Variants in ADAMTS9 observed in about 807,000 individuals in gnomAD.
ADAMTS9 encodes the protein A disintegrin and metalloproteinase with thrombospondin motifs 9.
A neutral mutation model predicts 257.1 loss-of-function variants in ADAMTS9; 107 were observed. The ratio of observed to expected loss-of-function variants is 0.42; its 90% confidence interval spans 0.36 to 0.49. ADAMTS9 has a LOEUF of 0.49. Among genes scored for constraint, ADAMTS9 ranks in the 20% least tolerant of loss-of-function variants. ADAMTS9 has a pLI of 0.03. For synonymous variants in ADAMTS9, 982 were observed against 880.9 expected (o/e 1.11, Z -2.03); for missense variants, 2,353 against 2,469.1 (o/e 0.95, Z 1.00).
At chr3:64,603,720 C>T (rs1159627776) in intron 25 of ADAMTS9, among the ~76,000 whole-genome samples, 1 of 152,212 alleles carries the variant, frequency 6.6e-6, no homozygotes, top group African/African-American at 2.4e-5. Flanking sequence ...TTGAAATGTG[C>T]ATTCCTTAAA....
intron 38 of ADAMTS9, among the ~76,000 whole-genome samples, chr3:64,530,251 A>C (rs1286863462): frequency 6.6e-6 from 1 of 151,938 alleles, no homozygotes; most frequent in Admixed American, 6.6e-5. Context: ...GTCCCACCTC[A>C]CATGCTAATG....
intron 4 of ADAMTS9, among the ~76,000 whole-genome samples, chr3:64,657,453 CAGCTCCCGAGCACCTG>C (rs1701104300): frequency 1.3e-5 from 2 of 152,006 alleles, no homozygotes; most frequent in Admixed American, 1.3e-4. Flanking sequence ...TCTCTCACCT[CAGCTCCCGAGCACCTG>C]AGCCTACTAT....
At chr3:64,663,142 C>A (rs1436640140) in intron 3 of ADAMTS9, among the ~76,000 whole-genome samples, 3 of 151,958 alleles carry the variant, frequency 2.0e-5, no homozygotes, top group Non-Finnish European at 2.9e-5. Context: ...AGTACAGATT[C>A]TTTTTCTCAA....
At chr3:64,647,833 A>C in intron 11 of ADAMTS9, 107 bp downstream of exon 11, 1 of 955,288 alleles carries the variant, frequency 1.0e-6, no homozygotes, top group South Asian at 2.0e-5. Context: ...ATGCAAGCTA[A>C]AACAGACTGC....
At chr3:64,556,714 T>TTTCCTTCC (rs59682586) in intron 30 of ADAMTS9, among the ~76,000 whole-genome samples, 35,161 of 137,920 alleles carry the variant, frequency 0.25, 4,921 homozygotes, top group African/African-American at 0.31. Context: ...TCTATGTTTT[T>TTTCCTTCC]TTCCTTCCTT....
At chr3:64,636,827 A>C (rs1700512263) in intron 12 of ADAMTS9, among the ~76,000 whole-genome samples, 1 of 152,134 alleles carries the variant, frequency 6.6e-6, no homozygotes, top group African/African-American at 2.4e-5. Context: ...TGTGATGGAG[A>C]CCACATAAAC....
chr3:64,626,244 G>A (rs1700217359), intron 16 of ADAMTS9, among the ~76,000 whole-genome samples: 2 of 152,080 alleles, frequency 1.3e-5, no homozygotes, highest in South Asian at 4.1e-4. Context: ...GGATGAGAAA[G>A]GCATGACTTA....
rs772203610 is a variant in ADAMTS9 at position 64,603,894 on chromosome 3, C to T, written c.3747+28G>A. On this transcript the variant is annotated intron_variant, in intron 25 of 39. Coordinates refer to ENST00000498707, the MANE Select transcript of ADAMTS9 (RefSeq NM_182920.2). The stretch of plus-strand genomic sequence containing the variant: ...AGCCCTCAATGTTTCCCCCATTCCC[C>T]CTAATTCCAAATAATCCACTGGCTT... The T allele has an allele frequency of 1.9e-6, 3 of 1,612,150 alleles. No homozygotes were observed. The Admixed American group carries it at 5.0e-5, about 27-fold the overall frequency.
chr3:64,520,440 A>G (rs1429553060), intron 39 of ADAMTS9, among the ~76,000 whole-genome samples: 1 of 152,208 alleles, frequency 6.6e-6, no homozygotes, highest in Non-Finnish European at 1.5e-5. Context: ...AAGAAGAACT[A>G]TTCTAAAATT....
intron 27 of ADAMTS9, among the ~76,000 whole-genome samples, chr3:64,594,856 G>A (rs1436353532): frequency 6.6e-6 from 1 of 151,908 alleles, no homozygotes; most frequent in East Asian, 1.9e-4. Context: ...GCACGATCTC[G>A]GCTCACTGCA....
rs373804459 is a variant in ADAMTS9 at position 64,551,095 on chromosome 3, C to T, written c.4699-33G>A. 14 of 1,606,956 alleles carry T rather than the reference C, an allele frequency of 8.7e-6. 1 individual carries two copies. The African/African-American group carries it at 9.4e-5, about 11-fold the overall frequency. Reference sequence around the variant, plus strand: ...ATACAAGCAAAAGAGAAGAATAAACCGTAGTTCCTTATATCCTATGACTGT... The same window carrying T: ...ATACAAGCAAAAGAGAAGAATAAACTGTAGTTCCTTATATCCTATGACTGT... On this transcript the variant is annotated intron_variant, in intron 30 of 39. Coordinates refer to ENST00000498707, the MANE Select transcript of ADAMTS9 (RefSeq NM_182920.2).
intron 29 of ADAMTS9, 34 bp from the exon 30 acceptor site, chr3:64,561,785 GCT>G: frequency 1.5e-6 from 2 of 1,356,932 alleles, no homozygotes; most frequent in Non-Finnish European, 2.0e-6. Context: ...GGGAGCTTCG[GCT>G]CATTTATTTT....
chr3:64,669,314 A>T (rs181703455), intron 3 of ADAMTS9, among the ~76,000 whole-genome samples: 66 of 152,242 alleles, frequency 4.3e-4, no homozygotes, highest in South Asian at 2.1e-3. Flanking sequence ...ATACAATGGC[A>T]CTTCCCAAAG....
chr3:64,642,611 T>C (rs528066246), intron 11 of ADAMTS9, among the ~76,000 whole-genome samples: 1 of 152,192 alleles, frequency 6.6e-6, no homozygotes, highest in South Asian at 2.1e-4. Context: ...GGCCATGACG[T>C]TTAAAAAATA....
chr3:64,553,208 C>T (rs2083291892), intron 30 of ADAMTS9, among the ~76,000 whole-genome samples: 1 of 152,148 alleles, frequency 6.6e-6, no homozygotes, highest in South Asian at 2.1e-4. Flanking sequence ...AGTCCCTCCC[C>T]ATTCCTTCCT....
intron 32 of ADAMTS9, 50 bp from the exon 33 acceptor site, chr3:64,542,020 T>G (rs1485834837): frequency 6.2e-7 from 1 of 1,610,892 alleles, no homozygotes; most frequent in Non-Finnish European, 8.5e-7. Flanking sequence ...GTGGGAGGCA[T>G]AGGCTTCTGG....
chr3:64,516,989 G>A lies in ADAMTS9; in HGVS notation c.*138C>T, dbSNP rs1346020389. ...TGTGTAGATATGTATATATGTATATGTACACACATTTACACACACAAGCAT... is the reference window on the plus strand; with the variant it reads ...TGTGTAGATATGTATATATGTATATATACACACATTTACACACACAAGCAT... On this transcript the variant is annotated 3_prime_UTR_variant, in exon 40 of 40. Transcript: ENST00000498707. 1.3e-5 allele frequency: 2 copies of A among 151,688 alleles called. No individual in the cohort carries two copies. Among genetic ancestry groups the A allele is most frequent in the East Asian group, 1.9e-4 (1 of 5,132 alleles). The allele number at this position is 151,688 out of a possible 1,614,324, so 9.4% of individuals were successfully genotyped here.
At chr3:64,555,680 CA>C (rs1204743470) in intron 30 of ADAMTS9, among the ~76,000 whole-genome samples, 1 of 152,128 alleles carries the variant, frequency 6.6e-6, no homozygotes, top group Non-Finnish European at 1.5e-5. Context: ...CATGATGCTG[CA>C]AAGGTGGGCC....
chr3:64,563,868 C>T (rs1400518692), intron 29 of ADAMTS9, among the ~76,000 whole-genome samples: 2 of 152,134 alleles, frequency 1.3e-5, no homozygotes, highest in East Asian at 1.9e-4. Context: ...TCCACTCCAT[C>T]GGAGTTAGTT....
Sources: gnomAD v4.1 joint callset for allele counts (sites outside exome capture counted in the v4.1 genomes callset) on GRCh38, gnomAD v4.1.1 for gene constraint, MANE v1.5 for transcripts, NCBI Gene and HGNC (gene_info 2026-07-23, HGNC 2026-07-21) for gene names.